CSMD1: variants seen among roughly 807,000 people sequenced by gnomAD.
CSMD1 encodes the protein CUB and sushi domain-containing protein 1.
In CSMD1, 213 loss-of-function variants were observed where a neutral mutation model predicts 417.5. That is an observed-to-expected ratio of 0.51 (90% CI 0.46 to 0.57). CSMD1 has a LOEUF of 0.57. Among genes scored for constraint, CSMD1 ranks in the 20% least tolerant of loss-of-function variants. The probability of loss-of-function intolerance (pLI) is 0.00; values close to 1 mark genes in which losing one functional copy is unlikely to be tolerated. For synonymous variants in CSMD1, 2,862 were observed against 1,736.8 expected (o/e 1.65, Z -16.11); for missense variants, 6,923 against 4,529.7 (o/e 1.53, Z -15.17).
chr8:3,541,329 G>C (rs560314354), intron 10 of CSMD1, among the ~76,000 whole-genome samples: 42 of 152,200 alleles, frequency 2.8e-4, no homozygotes, highest in South Asian at 2.3e-3. Context: ...TGAACAATGA[G>C]AACACATGGA....
intron 25 of CSMD1, among the ~76,000 whole-genome samples, chr8:3,305,070 C>T (rs903077271): frequency 4.6e-5 from 7 of 152,034 alleles, no homozygotes; most frequent in Non-Finnish European, 1.0e-4. Flanking sequence ...CTTAAGACTG[C>T]AGTGGTGTGA....
At chr8:4,349,108 T>C (rs922055278) in intron 3 of CSMD1, among the ~76,000 whole-genome samples, 1 of 152,240 alleles carries the variant, frequency 6.6e-6, no homozygotes, top group Non-Finnish European at 1.5e-5. Context: ...AGCTGAAGTT[T>C]GAAGATAAGT....
At chr8:4,420,921 C>G (rs901734322) in intron 2 of CSMD1, among the ~76,000 whole-genome samples, 3 of 152,200 alleles carry the variant, frequency 2.0e-5, no homozygotes, top group African/African-American at 7.2e-5. Context: ...CCCTCCCTGT[C>G]TTTTGGTTTA....
intron 51 of CSMD1, among the ~76,000 whole-genome samples, chr8:3,019,743 A>G (rs974247149): frequency 1.3e-5 from 2 of 152,180 alleles, no homozygotes; most frequent in East Asian, 1.9e-4. Flanking sequence ...AAACAAGTTA[A>G]TGGTCACCCT....
At chr8:3,350,078 A>G (rs1297825415) in intron 21 of CSMD1, among the ~76,000 whole-genome samples, 1 of 137,074 alleles carries the variant, frequency 7.3e-6, no homozygotes, top group African/African-American at 3.0e-5. Context: ...TGTGTGTGTT[A>G]TAATACCTAT....
At chr8:4,207,694 G>T (rs1012839507) in intron 3 of CSMD1, among the ~76,000 whole-genome samples, 1 of 152,016 alleles carries the variant, frequency 6.6e-6, no homozygotes, top group Admixed American at 6.6e-5. Context: ...CATTTCAAAA[G>T]AAACATTTTT....
At chr8:4,033,736 A>G (rs930665590) in intron 3 of CSMD1, among the ~76,000 whole-genome samples, 5 of 152,184 alleles carry the variant, frequency 3.3e-5, no homozygotes, top group South Asian at 2.1e-4. Flanking sequence ...GACAATTTCA[A>G]TAATGGGGTA....
At chr8:3,809,131 A>G (rs954145879) in intron 5 of CSMD1, among the ~76,000 whole-genome samples, 1 of 152,050 alleles carries the variant, frequency 6.6e-6, no homozygotes, top group Non-Finnish European at 1.5e-5. Flanking sequence ...TCTATTGGGA[A>G]TATCTTCCTC....
At chr8:3,379,846 T>C (rs1810525271) in intron 18 of CSMD1, among the ~76,000 whole-genome samples, 1 of 152,160 alleles carries the variant, frequency 6.6e-6, no homozygotes, top group South Asian at 2.1e-4. Context: ...GGGCAAGGAC[T>C]TCATGACTAA....
At chr8:3,394,712 C>T (rs1443453054) in intron 17 of CSMD1, among the ~76,000 whole-genome samples, 3 of 152,090 alleles carry the variant, frequency 2.0e-5, no homozygotes, top group South Asian at 2.1e-4. Flanking sequence ...AATGTTTACA[C>T]ATATTGTTAC....
chr8:3,349,824 AT>A (rs1292016905), intron 21 of CSMD1, among the ~76,000 whole-genome samples: 1 of 142,902 alleles, frequency 7.0e-6, no homozygotes, highest in Non-Finnish European at 1.5e-5. Flanking sequence ...TACATATAAA[AT>A]ATATATAATA....
intron 29 of CSMD1, among the ~76,000 whole-genome samples, chr8:3,215,699 T>G (rs1797843159): frequency 6.6e-6 from 1 of 152,198 alleles, no homozygotes; most frequent in South Asian, 2.1e-4. Context: ...TTTAATTTTC[T>G]GTTTCAATAG....
intron 3 of CSMD1, among the ~76,000 whole-genome samples, chr8:4,197,810 C>G (rs1799426581): frequency 1.3e-5 from 2 of 152,046 alleles, no homozygotes; most frequent in African/African-American, 4.8e-5. Flanking sequence ...ACCCAGGAGG[C>G]AGAGGTTGCA....
chr8:4,542,341 A>T (rs1797429502), intron 2 of CSMD1, among the ~76,000 whole-genome samples: 1 of 149,498 alleles, frequency 6.7e-6, no homozygotes, highest in Admixed American at 6.7e-5. Flanking sequence ...AAAATAAAAG[A>T]TACAAACTTA....
chr8:4,943,487 C>T (rs1024521627), intron 1 of CSMD1, among the ~76,000 whole-genome samples: 1 of 121,730 alleles, frequency 8.2e-6, no homozygotes, highest in African/African-American at 2.8e-5. Context: ...CAGAGTGAGA[C>T]ACCGTCTCAA....
chr8:3,332,256 A>G (rs1032021863), intron 23 of CSMD1, among the ~76,000 whole-genome samples: 9 of 152,232 alleles, frequency 5.9e-5, no homozygotes, highest in Non-Finnish European at 1.3e-4. Context: ...TTAAACATTG[A>G]TGACAATTGT....
At chr8:4,306,272 G>T (rs1223632251) in intron 3 of CSMD1, among the ~76,000 whole-genome samples, 1 of 151,680 alleles carries the variant, frequency 6.6e-6, no homozygotes, top group Admixed American at 6.6e-5. Context: ...TTGTAGAATG[G>T]CCCTTCCTGA....
intron 3 of CSMD1, among the ~76,000 whole-genome samples, chr8:4,124,060 C>T (rs935425491): frequency 2.0e-5 from 3 of 151,804 alleles, no homozygotes; most frequent in African/African-American, 4.8e-5. Context: ...ACATTCCCAA[C>T]ACACAGACTT....
At chr8:3,366,084 C>A (rs1415943168) in intron 20 of CSMD1, among the ~76,000 whole-genome samples, 2 of 152,108 alleles carry the variant, frequency 1.3e-5, no homozygotes, top group Non-Finnish European at 2.9e-5. Context: ...GACTGTGGTA[C>A]CCAGGGACCA....
Sources: gnomAD v4.1 joint callset for allele counts (sites outside exome capture counted in the v4.1 genomes callset) on GRCh38, gnomAD v4.1.1 for gene constraint, MANE v1.5 for transcripts, NCBI Gene and HGNC (gene_info 2026-07-23, HGNC 2026-07-21) for gene names.